Variants in ZNF787 observed in about 807,000 individuals in gnomAD.
ZNF787 encodes TTF-I-interacting peptide 20.
Under a neutral mutation model 16.9 loss-of-function variants are expected in ZNF787, and 7 were observed. The ratio of observed to expected loss-of-function variants is 0.42; its 90% CI spans 0.24 to 0.78. ZNF787 has a LOEUF of 0.78. ZNF787 is among the 30% of genes least tolerant of loss of function. The pLI, the probability that ZNF787 is intolerant of heterozygous loss-of-function variation, is 0.30. For missense variants in ZNF787, 551 were observed against 589.3 expected (o/e 0.94, Z 0.67); for synonymous variants, 345 against 270.9 (o/e 1.27, Z -2.69).
chr19:56,091,087 T>G (rs1021019929), intron 2 of ZNF787, among the ~76,000 whole-genome samples: 1 of 152,150 alleles, frequency 6.6e-6, no homozygotes, highest in Admixed American at 6.5e-5. Flanking sequence ...AATCAAAAAA[T>G]GTTGTAAGTT....
At position 56,092,040 on chromosome 19, in the gene ZNF787, GCCGAAGCCTCAC is replaced by G. The variant is rs764585794; in HGVS notation, c.80-2960_80-2949del. On this transcript the variant is annotated intron_variant, in intron 2 of 2. Transcript: ENST00000610935. Reference sequence around the variant, plus strand: ...AACCGAAGCCGAAGCCGAAGCCGAAGCCGAAGCCTCACCCTCACCCTCACCCTCACCCTCACA... The same window carrying G: ...AACCGAAGCCGAAGCCGAAGCCGAAGCCTCACCCTCACCCTCACCCTCACA... 7.9e-3 allele frequency among the ~76,000 whole-genome samples: 1,193 copies of G among 150,278 alleles called. 5 individuals are homozygous for G. Among genetic ancestry groups the G allele is most frequent in the Non-Finnish European group, 0.012 (785 of 67,938 alleles).
intron 1 of ZNF787, among the ~76,000 whole-genome samples, chr19:56,115,865 C>T (rs1160994080): frequency 1.3e-5 from 2 of 152,206 alleles, no homozygotes; most frequent in Non-Finnish European, 2.9e-5. Flanking sequence ...TCTTCAGATC[C>T]TTATGCGAAG....
chr19:56,095,389 CCTTAT>C (rs1223286491), intron 2 of ZNF787, among the ~76,000 whole-genome samples: 1 of 152,142 alleles, frequency 6.6e-6, no homozygotes, highest in African/African-American at 2.4e-5. Flanking sequence ...CCATCCTGTC[CCTTAT>C]CTTTTTTATT....
rs182322823 is a variant in ZNF787 at position 56,101,346 on chromosome 19, G to C, written c.79+1793C>G. On this transcript the variant is annotated intron_variant, in intron 2 of 2. Coordinates refer to ENST00000610935, the MANE Select transcript of ZNF787 (RefSeq NM_001002836.4). ...GGCGTCACGCAGGGGTGATGCTCCA[G>C]AGGCGGCGCCAAGCGCAGGCCCTCC... 1.0e-3 allele frequency among the ~76,000 whole-genome samples: 158 copies of C among 152,382 alleles called. 1 individual carries two copies. The highest frequency in any genetic ancestry group is 3.6e-3 in the African/African-American group (151 of 41,594).
At chr19:56,109,968 G>T (rs893008182) in intron 1 of ZNF787, among the ~76,000 whole-genome samples, 1 of 152,198 alleles carries the variant, frequency 6.6e-6, no homozygotes, top group Admixed American at 6.5e-5. Flanking sequence ...ACCCAAGGAG[G>T]GAAGCCACTG....
At chr19:56,092,150 G>GAGA (rs1421473635) in intron 2 of ZNF787, among the ~76,000 whole-genome samples, 1 of 152,256 alleles carries the variant, frequency 6.6e-6, no homozygotes, top group East Asian at 1.9e-4. Context: ...TTCCCAGCAA[G>GAGA]AGAAGAGCAC....
chr19:56,120,842 C>T (rs2030272520), intron 1 of ZNF787, among the ~76,000 whole-genome samples: 1 of 147,500 alleles, frequency 6.8e-6, no homozygotes, highest in African/African-American at 2.5e-5. Flanking sequence ...GGACCCCCAC[C>T]GAGGCCCCCG....
intron 1 of ZNF787, among the ~76,000 whole-genome samples, chr19:56,117,407 G>A (rs892074197): frequency 6.6e-6 from 1 of 151,730 alleles, no homozygotes; most frequent in African/African-American, 2.4e-5. Flanking sequence ...GAGCCACAGC[G>A]AGGCTTCCAC....
In ZNF787 at chr19:56,087,896, G is replaced by T. The variant is rs547821358; in HGVS notation, c.*127C>A. The T allele has an allele frequency of 1.6e-6, 2 of 1,265,156 alleles. No homozygotes were observed. Among genetic ancestry groups the T allele is most frequent in the Non-Finnish European group, 2.0e-6 (2 of 1,004,126 alleles). 78.4% of individuals were successfully genotyped at this position (1,265,156 alleles called of 1,614,324 possible). On this transcript the variant is annotated 3_prime_UTR_variant, in exon 3 of 3. Coordinates refer to ENST00000610935, the MANE Select transcript of ZNF787 (RefSeq NM_001002836.4). ...GGACGGCGCAGGGACAGAGGAGGGC[G>T]GGGAGCCGGGGATGCCGCGGGGTCC...
intron 2 of ZNF787, among the ~76,000 whole-genome samples, chr19:56,097,962 GACA>G (rs1426342906): frequency 3.9e-5 from 6 of 152,282 alleles, no homozygotes; most frequent in African/African-American, 1.4e-4. Context: ...CTTTTGTTCA[GACA>G]ACCTCATGCT....
At chr19:56,095,987 G>C (rs769996851) in intron 2 of ZNF787, among the ~76,000 whole-genome samples, 1 of 152,130 alleles carries the variant, frequency 6.6e-6, no homozygotes, top group Non-Finnish European at 1.5e-5. Flanking sequence ...TAGTAACTTT[G>C]CAACTGTGAT....
intron 1 of ZNF787, among the ~76,000 whole-genome samples, chr19:56,119,414 G>A (rs2030224870): frequency 2.0e-5 from 3 of 152,214 alleles, no homozygotes; most frequent in Admixed American, 6.5e-5. Context: ...CCAAGGCCAA[G>A]GCCCAGGAAA....
Position 56,105,315 on chromosome 19 carries a change from C to G in ZNF787, c.-10-2088G>C, listed in dbSNP as rs1369726256. ...ACGTGCCCTCCCAGCTTTCCACATGCTGGGGTTTCATAAACCAGGAGCGCC... is the reference window on the plus strand; with the variant it reads ...ACGTGCCCTCCCAGCTTTCCACATGGTGGGGTTTCATAAACCAGGAGCGCC... On this transcript the variant is annotated intron_variant, in intron 1 of 2. Coordinates refer to ENST00000610935, the MANE Select transcript of ZNF787 (RefSeq NM_001002836.4). 4.6e-5 allele frequency: 7 copies of G among 152,092 alleles called. No homozygotes were observed. In the East Asian group the frequency reaches 1.4e-3, roughly 29 times the overall value. 9.4% of individuals were successfully genotyped at this position (152,092 alleles called of 1,614,324 possible).
chr19:56,096,194 G>A (rs774183896), intron 2 of ZNF787, among the ~76,000 whole-genome samples: 2 of 150,448 alleles, frequency 1.3e-5, no homozygotes, highest in African/African-American at 4.9e-5. Context: ...AGGAAATTGA[G>A]ACCAGCCTGG....
At chr19:56,090,370 A>C (rs1237699818) in intron 2 of ZNF787, among the ~76,000 whole-genome samples, 1 of 152,164 alleles carries the variant, frequency 6.6e-6, no homozygotes, top group Non-Finnish European at 1.5e-5. Context: ...GAAGCGCATT[A>C]GTAGACTGGG....
Position 56,088,186 on chromosome 19 carries a change from C to T in ZNF787, c.986G>A (p.Gly329Asp). Residue 329 changes from glycine to aspartate, a missense_variant, in exon 3 of 3, where the codon GGC (glycine) becomes GAC (aspartate). Gly to Asp is a moderately conservative substitution (Grantham distance 94). This residue lies in a region of ZNF787 where 392 missense variants were observed against 312.7 expected (regional missense o/e 1.25). Coordinates refer to ENST00000610935, the MANE Select transcript of ZNF787 (RefSeq NM_001002836.4). This position sits in a 1 kb window ranked among gnomAD's most constrained non-coding sequence, Gnocchi z 8.6. The stretch of plus-strand genomic sequence containing the variant: ...CTTCTTGTGTCTCCGGAGCGCGGCG[C>T]CCTGCACGAAGCCCTCCCCGCACTC... ...CVECGEGFVQGAALRRHKKIH... is the reference protein window; with the variant it reads ...CVECGEGFVQDAALRRHKKIH... 6.5e-7 allele frequency: 1 copy of T among 1,544,248 alleles called. No homozygotes were observed. Among genetic ancestry groups the T allele is most frequent in the Non-Finnish European group, 8.7e-7 (1 of 1,151,258 alleles).
chr19:56,095,689 T>TA (rs1450566771), intron 2 of ZNF787, among the ~76,000 whole-genome samples: 1 of 152,242 alleles, frequency 6.6e-6, no homozygotes, highest in Non-Finnish European at 1.5e-5. Context: ...GCACAGCACT[T>TA]TACCTGGTTG....
chr19:56,105,213 C>T (rs1442893279), intron 1 of ZNF787, among the ~76,000 whole-genome samples: 4 of 152,160 alleles, frequency 2.6e-5, no homozygotes, highest in African/African-American at 9.7e-5. Context: ...TTCTCCCACC[C>T]TCCTGCAGGC....
chr19:56,091,280 G>A (rs147445558), intron 2 of ZNF787, among the ~76,000 whole-genome samples: 64 of 152,286 alleles, frequency 4.2e-4, no homozygotes, highest in African/African-American at 1.3e-3. Context: ...TAAAATAACT[G>A]CTTTGTTTTC....
Sources: allele counts gnomAD v4.1 joint callset (sites outside exome capture counted in the v4.1 genomes callset), GRCh38; gene constraint gnomAD v4.1.1; regional missense constraint gnomAD v4.1.1; non-coding constraint Gnocchi (gnomAD v3.1); transcripts MANE v1.5; gene names NCBI Gene and HGNC (gene_info 2026-07-23, HGNC 2026-07-21).